Variants in WWTR1 observed in about 807,000 individuals in gnomAD.
The protein encoded by WWTR1 is WW domain-containing transcription regulator protein 1.
A neutral mutation model predicts 40.1 loss-of-function variants in WWTR1; 13 were observed. The ratio of observed to expected loss-of-function variants is 0.32; its 90% CI spans 0.21 to 0.52. WWTR1 has a LOEUF of 0.52. Among genes scored for constraint, WWTR1 ranks in the 20% least tolerant of loss-of-function variants. The probability of loss-of-function intolerance (pLI) is 0.97; values close to 1 mark genes in which losing one functional copy is unlikely to be tolerated. For synonymous variants in WWTR1, 230 were observed against 210.1 expected (o/e 1.09, Z -0.82); for missense variants, 436 against 523.1 (o/e 0.83, Z 1.63).
intron 3 of WWTR1, among the ~76,000 whole-genome samples, chr3:149,553,255 T>C (rs1227528248): frequency 5.3e-5 from 8 of 152,216 alleles, no homozygotes; most frequent in African/African-American, 1.9e-4. Flanking sequence ...CACCAATTAC[T>C]GCCCAATGAT....
At chr3:149,567,327 C>T (rs1737380042) in intron 3 of WWTR1, among the ~76,000 whole-genome samples, 1 of 152,214 alleles carries the variant, frequency 6.6e-6, no homozygotes, top group African/African-American at 2.4e-5. Flanking sequence ...CACTTCACTA[C>T]TTGCAGAGGG....
At chr3:149,701,570 T>C (rs1715174557) in intron 1 of WWTR1, 1 of 179,596 alleles carries the variant, frequency 5.6e-6, no homozygotes, top group Admixed American at 6.3e-5. Flanking sequence ...AATTCTATTA[T>C]CTTTACAAAT....
intron 2 of WWTR1, among the ~76,000 whole-genome samples, chr3:149,598,223 G>A (rs76617783): frequency 0.016 from 2,406 of 152,294 alleles, 50 homozygotes; most frequent in African/African-American, 0.056. Flanking sequence ...ACAGAAGAAT[G>A]CCAAAGTCAA....
exon 5 of WWTR1, chr3:149,717,541 C>G (rs1011317868): frequency 3.3e-5 from 5 of 152,104 alleles, no homozygotes; most frequent in Admixed American, 3.3e-4. Flanking sequence ...CTTCGAGGTG[C>G]CAGAGCAAAT....
chr3:149,609,864 C>T (rs1306514872), intron 2 of WWTR1, among the ~76,000 whole-genome samples: 1 of 152,172 alleles, frequency 6.6e-6, no homozygotes. Context: ...CGAAGATAAA[C>T]GTTTCCACAG....
At chr3:149,580,218 A>C (rs1408043167) in intron 2 of WWTR1, among the ~76,000 whole-genome samples, 4 of 152,092 alleles carry the variant, frequency 2.6e-5, no homozygotes, top group African/African-American at 9.7e-5. Flanking sequence ...TATCTTACTC[A>C]TATCTTACAT....
chr3:149,581,596 T>C (rs1277069557), intron 2 of WWTR1, among the ~76,000 whole-genome samples: 1 of 152,214 alleles, frequency 6.6e-6, no homozygotes, highest in African/African-American at 2.4e-5. Context: ...AGAGAAGTTA[T>C]TTCAGTGTAT....
intron 2 of WWTR1, among the ~76,000 whole-genome samples, chr3:149,630,087 C>G (rs1173148473): frequency 6.6e-6 from 1 of 152,124 alleles, no homozygotes; most frequent in Non-Finnish European, 1.5e-5. Context: ...CTCAAGCAAT[C>G]CTCGTGCCCC....
At chr3:149,656,784 C>T in intron 2 of WWTR1, 92 bp downstream of exon 2, 1 of 1,031,896 alleles carries the variant, frequency 9.7e-7, no homozygotes, top group East Asian at 3.0e-5. Flanking sequence ...CTCTCTCTCT[C>T]TCTCTCTCAC....
chr3:149,533,558 C>G (rs1218792475), intron 4 of WWTR1, among the ~76,000 whole-genome samples: 1 of 152,218 alleles, frequency 6.6e-6, no homozygotes, highest in African/African-American at 2.4e-5. Context: ...TCTCAATTCT[C>G]CAGGCTATTA....
chr3:149,538,838 G>T (rs1009525028), intron 4 of WWTR1, among the ~76,000 whole-genome samples: 1 of 152,170 alleles, frequency 6.6e-6, no homozygotes, highest in Non-Finnish European at 1.5e-5. Flanking sequence ...CTTTAACTTG[G>T]ATTAAAGTTA....
At chr3:149,575,034 C>T (rs1303824763) in intron 2 of WWTR1, among the ~76,000 whole-genome samples, 3 of 151,718 alleles carry the variant, frequency 2.0e-5, no homozygotes, top group African/African-American at 7.3e-5. Flanking sequence ...GTGGAGGTTG[C>T]AGTGAGTTGG....
At chr3:149,591,679 AC>A (rs1553796266) in intron 2 of WWTR1, among the ~76,000 whole-genome samples, 1 of 152,230 alleles carries the variant, frequency 6.6e-6, no homozygotes, top group Non-Finnish European at 1.5e-5. Context: ...AAACATTTAC[AC>A]AAAAAACATT....
chr3:149,642,730 G>A (rs976958801), intron 2 of WWTR1, among the ~76,000 whole-genome samples: 3 of 151,522 alleles, frequency 2.0e-5, no homozygotes, highest in East Asian at 1.9e-4. Context: ...AGCCGAGATC[G>A]GGCCACTGCA....
rs1470644370 is a variant in WWTR1, at chr3:149,586,389, A to C, written c.432-13389T>G. On this transcript the variant is annotated intron_variant, in intron 2 of 6. Coordinates refer to ENST00000360632, the MANE Select transcript of WWTR1 (RefSeq NM_015472.6). Reference sequence around the variant, plus strand: ...AGAGAAGTGAGTTTTATTCTGTAACACTCGCAAGATAAAGAAAGATGAAAA... The same window carrying C: ...AGAGAAGTGAGTTTTATTCTGTAACCCTCGCAAGATAAAGAAAGATGAAAA... 2.6e-5 allele frequency among the ~76,000 whole-genome samples: 4 copies of C among 151,980 alleles called. No individual in the cohort carries two copies. In the East Asian group the frequency reaches 7.7e-4, roughly 29 times the overall value.
chr3:149,708,171 GC>G (rs1715381249), upstream of WWTR1, among the ~76,000 whole-genome samples: 1 of 151,944 alleles, frequency 6.6e-6, no homozygotes, highest in South Asian at 2.1e-4. Flanking sequence ...CACTCAACAG[GC>G]ATTTTTCCCC....
chr3:149,554,379 G>A (rs1178148490), intron 3 of WWTR1, among the ~76,000 whole-genome samples: 1 of 152,116 alleles, frequency 6.6e-6, no homozygotes, highest in Non-Finnish European at 1.5e-5. Context: ...CCCAAGCTTC[G>A]TTTACTTCAC....
intron 2 of WWTR1, among the ~76,000 whole-genome samples, chr3:149,579,404 T>C (rs1003437548): frequency 6.6e-6 from 1 of 152,206 alleles, no homozygotes; most frequent in Non-Finnish European, 1.5e-5. Context: ...AACTCAATCA[T>C]ACTCACTGCT....
intron 2 of WWTR1, among the ~76,000 whole-genome samples, chr3:149,591,679 A>G (rs1560075289): frequency 2.0e-5 from 3 of 152,230 alleles, no homozygotes; most frequent in Non-Finnish European, 4.4e-5. Context: ...AAACATTTAC[A>G]CAAAAAACAT....
Sources: gnomAD v4.1 joint callset for allele counts (sites outside exome capture counted in the v4.1 genomes callset) on GRCh38, gnomAD v4.1.1 for gene constraint, MANE v1.5 for transcripts, NCBI Gene and HGNC (gene_info 2026-07-23, HGNC 2026-07-21) for gene names.